The following PMPCA variants were observed in gnomAD, a reference collection of about 807,000 sequenced individuals.
PMPCA encodes peptidase, mitochondrial processing subunit alpha, also known as mitochondrial-processing peptidase subunit alpha.
In PMPCA, 47 loss-of-function variants were observed where a neutral mutation model predicts 59.3. That is an observed-to-expected ratio of 0.79 (90% CI 0.63 to 1.01). The LOEUF (loss-of-function observed/expected upper bound fraction) is 1.01. Among genes scored for constraint, PMPCA ranks in the 50% least tolerant of loss-of-function variants. The probability of loss-of-function intolerance (pLI) is 0.00; values close to 1 mark genes in which losing one functional copy is unlikely to be tolerated. For synonymous variants in PMPCA, 338 were observed against 290.3 expected (o/e 1.16, Z -1.67); for missense variants, 726 against 704.5 (o/e 1.03, Z -0.34).
At chr9:136,418,792 G>C (rs773677358) in intron 9 of PMPCA, 36 bp from the exon 10 acceptor site, 1 of 1,555,936 alleles carries the variant, frequency 6.4e-7, no homozygotes, top group South Asian at 1.1e-5. Flanking sequence ...ATCCTGGCGA[G>C]TCCCCTTCAC....
chr9:136,413,348 G>A (rs897299625), intron 4 of PMPCA, among the ~76,000 whole-genome samples: 3 of 152,146 alleles, frequency 2.0e-5, no homozygotes, highest in Non-Finnish European at 2.9e-5. Context: ...AAAAGGCACC[G>A]AGCCAGGGAG....
rs1835334163 is a variant in PMPCA, at chr9:136,418,104, T to G, written c.985T>G (p.Phe329Val). 1 of 1,609,898 alleles carries G rather than the reference T, an allele frequency of 6.2e-7. No homozygotes were observed. Among genetic ancestry groups the G allele is most frequent in the African/African-American group, 1.3e-5 (1 of 74,974 alleles). Reference protein sequence around the residue: ...HIMVGLESCSFLEEDFIPFAV... With the variant: ...HIMVGLESCSVLEEDFIPFAV... Reference sequence around the variant, plus strand: ...CATGGTTGGACTGGAGAGCTGCTCCTTCCTGGTGAGTCCTGGTGCTGGGTC... The same window carrying G: ...CATGGTTGGACTGGAGAGCTGCTCCGTCCTGGTGAGTCCTGGTGCTGGGTC... Residue 329 changes from phenylalanine (F) to valine (V), a missense_variant, in exon 8 of 13, where the codon TTC becomes GTC. Physicochemically the swap from Phe to Val is conservative, Grantham distance 50. Transcript: ENST00000371717.
At position 136,414,625 on chromosome 9, in the gene PMPCA, G is replaced by C. The variant is rs1835223781; in HGVS notation, c.510G>C (p.Val170=). Residue 170 remains valine (V), a synonymous_variant, in exon 5 of 13, where the codon GTG becomes GTC. Transcript: ENST00000371717. ...CGGTGGTTGCCTTACTGGCTGATGTGGTTCTGCAGCCCCGGCTAACAGGTG... is the reference window on the plus strand; with the variant it reads ...CGGTGGTTGCCTTACTGGCTGATGTCGTTCTGCAGCCCCGGCTAACAGGTG... ...LDTVVALLAD[V]VLQPRLTDEE... The C allele has an allele frequency of 6.2e-7, 1 of 1,611,846 alleles. No homozygotes were observed. Among genetic ancestry groups the C allele is most frequent in the Non-Finnish European group, 8.5e-7 (1 of 1,178,056 alleles).
intron 5 of PMPCA, 78 bp from the exon 6 acceptor site, chr9:136,416,213 A>T: frequency 1.9e-6 from 2 of 1,051,996 alleles, no homozygotes; most frequent in Middle Eastern, 3.1e-4. Flanking sequence ...TCAGGCCAGC[A>T]CACAAGCTGT....
intron 7 of PMPCA, 145 bp from the exon 8 acceptor site, chr9:136,417,872 C>T: frequency 1.4e-6 from 1 of 695,766 alleles, no homozygotes. Context: ...CTTGGCCTCC[C>T]AAAGTGCTGG....
At chr9:136,422,890 C>G (rs549766454) in intron 12 of PMPCA, 1 of 1,388,536 alleles carries the variant, frequency 7.2e-7, no homozygotes, top group African/African-American at 1.4e-5. Context: ...TGCCATGTCC[C>G]CATTTACTGA....
chr9:136,422,126 G>T, intron 12 of PMPCA, 150 bp downstream of exon 12: 3 of 1,544,314 alleles, frequency 1.9e-6, no homozygotes, highest in Non-Finnish European at 2.6e-6. Flanking sequence ...CAGCAGGGGC[G>T]GCCAAGGGCA....
rs1369177456 is a variant in PMPCA at position 136,422,535 on chromosome 9, G to A, written c.1408+559G>A. 13 of 1,016,442 alleles carry A rather than the reference G, an allele frequency of 1.3e-5. No homozygotes were observed. The East Asian group carries it at 3.9e-4, about 30-fold the overall frequency. The allele number at this position is 1,016,442 out of a possible 1,614,324, so 63.0% of individuals were successfully genotyped here. ...GGCTCGGGCTTATGGTGTCACCTGT[G>A]GGCATCTCCTTTCCAGGCCTGGAGT... is the stretch of plus-strand genomic sequence containing the variant. On this transcript the variant is annotated intron_variant, in intron 12 of 12. Transcript: ENST00000371717.
intron 7 of PMPCA, among the ~76,000 whole-genome samples, chr9:136,417,771 GTT>G (rs61320665): frequency 4.8e-5 from 7 of 146,690 alleles, no homozygotes; most frequent in African/African-American, 7.5e-5. Context: ...ATATACATAT[GTT>G]TTTTTTTTTT....
intron 11 of PMPCA, 112 bp downstream of exon 11, chr9:136,419,218 T>A: frequency 9.6e-7 from 1 of 1,041,314 alleles, no homozygotes. Context: ...AGGGCCAAGG[T>A]CCCGGCAGGG....
intron 5 of PMPCA, among the ~76,000 whole-genome samples, chr9:136,415,636 C>T (rs1319241259): frequency 2.0e-5 from 3 of 152,158 alleles, no homozygotes; most frequent in Admixed American, 2.0e-4. Context: ...CTGTCTGTGC[C>T]TCTGTTTCTT....
At chr9:136,421,569 C>T (rs1445023402) in intron 11 of PMPCA, among the ~76,000 whole-genome samples, 2 of 152,104 alleles carry the variant, frequency 1.3e-5, no homozygotes, top group Non-Finnish European at 2.9e-5. Context: ...GCCACCACGC[C>T]CAGCTAATTT....
intron 4 of PMPCA, among the ~76,000 whole-genome samples, chr9:136,413,789 C>G (rs1278425650): frequency 6.6e-6 from 1 of 152,182 alleles, no homozygotes; most frequent in Admixed American, 6.5e-5. Context: ...TGCCATTCTC[C>G]CCATGTGGAG....
Position 136,417,145 on chromosome 9 carries a change from G to A in PMPCA, c.828G>A (p.Pro276=), listed in dbSNP as rs961869887. ...CARKYLLGVQ[P]AWGSAEAVDI... is the part of the protein sequence containing the mutation. ...GGAAGTACCTCCTGGGGGTCCAGCC[G>A]GCCTGGGGGAGCGCAGAGGCCGTGG... Residue 276 remains proline, a synonymous_variant, in exon 7 of 13, where the codon CCG becomes CCA. Coordinates refer to ENST00000371717, the MANE Select transcript of PMPCA (RefSeq NM_015160.3). The A allele has an allele frequency of 8.7e-6, 14 of 1,612,814 alleles. No homozygotes were observed. Among genetic ancestry groups the A allele is most frequent in the African/African-American group, 5.3e-5 (4 of 74,912 alleles).
chr9:136,413,642 T>G (rs1835195898), intron 4 of PMPCA, among the ~76,000 whole-genome samples: 1 of 152,126 alleles, frequency 6.6e-6, no homozygotes, highest in Non-Finnish European at 1.5e-5. Flanking sequence ...CCCTGCCAGG[T>G]TCCTGCCTGG....
chr9:136,412,093 T>A lies in PMPCA; in HGVS notation c.168T>A (p.Phe56Leu). The change falls in exon 2 of 13, where the codon TTT (phenylalanine) becomes TTA (leucine). Residue 56 changes from phenylalanine (F) to leucine (L), a missense_variant. Physicochemically the swap from Phe to Leu is conservative, Grantham distance 22 (BLOSUM62 0). Transcript: ENST00000371717. ...TACCTGGAGTACCCAAGCCTGTTTT[T>A]GCTACAGTTGATGGACAGGAAAAGT... is the stretch of plus-strand genomic sequence containing the variant. Reference protein sequence around the residue: ...SPLPGVPKPVFATVDGQEKFE... With the variant: ...SPLPGVPKPVLATVDGQEKFE... The A allele has an allele frequency of 4.3e-6, 7 of 1,613,670 alleles. No homozygotes were observed. The highest frequency in any genetic ancestry group is 5.9e-6 in the Non-Finnish European group (7 of 1,179,568).
intron 7 of PMPCA, 34 bp downstream of exon 7, chr9:136,417,248 G>T: frequency 6.5e-7 from 1 of 1,529,088 alleles, no homozygotes. Context: ...GGCCTCGGGT[G>T]GGGAACACGT....
In PMPCA at chr9:136,412,032, G is replaced by T; in HGVS notation, c.107G>T (p.Gly36Val). Residue 36 changes from glycine to valine, a missense_variant, in exon 2 of 13, where the codon GGT becomes GTT. Gly to Val is a moderately radical substitution (Grantham distance 109). Transcript: ENST00000371717. Reference sequence around the variant, plus strand: ...CCTGCGTACAGACGGTTTAGTAGTGGTGGTGCCTATCCCAACATCCCCCTC... The same window carrying T: ...CCTGCGTACAGACGGTTTAGTAGTGTTGGTGCCTATCCCAACATCCCCCTC... ...GPPAYRRFSS[G>V]GAYPNIPLSS... The T allele has an allele frequency of 6.2e-7, 1 of 1,613,396 alleles. No homozygotes were observed. Among genetic ancestry groups the T allele is most frequent in the Non-Finnish European group, 8.5e-7 (1 of 1,179,420 alleles).
In PMPCA at chr9:136,417,106, G is replaced by T. The variant is rs759396040; in HGVS notation, c.789G>T (p.Leu263=). ...LAGVGVEHEH[L]VDCARKYLLG... ...GCGTGGGCGTGGAGCACGAGCATCT[G>T]GTGGACTGTGCCCGGAAGTACCTCC... The change falls in exon 7 of 13, where the codon CTG becomes CTT. Residue 263 remains leucine, a synonymous_variant. Coordinates refer to ENST00000371717, the MANE Select transcript of PMPCA (RefSeq NM_015160.3). The T allele has an allele frequency of 1.2e-6, 2 of 1,613,910 alleles. No homozygotes were observed. The highest frequency in any genetic ancestry group is 2.2e-5 in the South Asian group (2 of 91,078).
Sources: allele counts gnomAD v4.1 joint callset (sites outside exome capture counted in the v4.1 genomes callset), GRCh38; gene constraint gnomAD v4.1.1; transcripts MANE v1.5; gene names NCBI Gene and HGNC (gene_info 2026-07-23, HGNC 2026-07-21).